The following UMAD1 variants were observed in gnomAD, a reference collection of about 807,000 sequenced individuals.
The protein encoded by UMAD1 is UBAP1-MVB12-associated (UMA) domain containing 1.
Under a neutral mutation model 6.1 loss-of-function variants are expected in UMAD1, and 8 were observed. The ratio of observed to expected loss-of-function variants is 1.30; its 90% CI spans 0.76 to 2.35. UMAD1 has a LOEUF of 2.35. UMAD1 is among the 30% of genes most tolerant of loss of function. UMAD1 has a pLI of 0.00. For missense variants in UMAD1, 130 were observed against 78.4 expected (o/e 1.66, Z -2.49); for synonymous variants, 56 against 31.4 (o/e 1.78, Z -2.61).
At chr7:7,723,737 G>T (rs1305872547) in intron 2 of UMAD1, among the ~76,000 whole-genome samples, 1 of 152,188 alleles carries the variant, frequency 6.6e-6, no homozygotes, top group Non-Finnish European at 1.5e-5. Flanking sequence ...TCCTGAGGTG[G>T]CAGGGGCCAA....
intron 2 of UMAD1, among the ~76,000 whole-genome samples, chr7:7,796,076 G>T (rs1377622539): frequency 6.6e-6 from 1 of 151,942 alleles, no homozygotes; most frequent in Non-Finnish European, 1.5e-5. Flanking sequence ...ACAACCAGTG[G>T]ACAGGAGAGT....
chr7:7,826,548 A>G (rs949001254), intron 3 of UMAD1, among the ~76,000 whole-genome samples: 3 of 152,150 alleles, frequency 2.0e-5, no homozygotes, highest in African/African-American at 7.2e-5. Context: ...GTGAATAGAA[A>G]AATGGTTCTT....
chr7:7,822,224 A>AATAG (rs1321866533), intron 3 of UMAD1, among the ~76,000 whole-genome samples: 2 of 152,132 alleles, frequency 1.3e-5, no homozygotes, highest in African/African-American at 4.8e-5. Flanking sequence ...GCGCACTGAG[A>AATAG]ATAGTACAGT....
At chr7:7,854,090 T>G (rs992164512) in intron 3 of UMAD1, among the ~76,000 whole-genome samples, 7 of 152,042 alleles carry the variant, frequency 4.6e-5, no homozygotes, top group African/African-American at 1.7e-4. Flanking sequence ...GTGCCATGGC[T>G]CACACCTGTA....
intron 3 of UMAD1, among the ~76,000 whole-genome samples, chr7:7,818,526 C>T (rs903956094): frequency 2.0e-5 from 3 of 152,048 alleles, no homozygotes; most frequent in Non-Finnish European, 4.4e-5. Context: ...CAGATGCTGG[C>T]AAGGTTAAGG....
chr7:7,708,903 G>A (rs1051263958), intron 2 of UMAD1, among the ~76,000 whole-genome samples: 3 of 151,818 alleles, frequency 2.0e-5, no homozygotes, highest in African/African-American at 4.8e-5. Context: ...AACCAGCAAG[G>A]GGTGTGTGTT....
intron 1 of UMAD1, among the ~76,000 whole-genome samples, chr7:7,659,621 G>A (rs545985204): frequency 6.6e-6 from 1 of 152,310 alleles, no homozygotes; most frequent in East Asian, 1.9e-4. Flanking sequence ...AGTTTTGAGT[G>A]AGTTTCTTAA....
At chr7:7,782,832 C>T (rs866010663) in intron 2 of UMAD1, among the ~76,000 whole-genome samples, 6 of 150,316 alleles carry the variant, frequency 4.0e-5, no homozygotes, top group East Asian at 3.9e-4. Context: ...TGAGTTCGAG[C>T]GATTCTCCTG....
chr7:7,673,652 C>T (rs563590108), intron 2 of UMAD1, among the ~76,000 whole-genome samples, 199 bp downstream of exon 2: 1 of 151,788 alleles, frequency 6.6e-6, no homozygotes, highest in Admixed American at 6.6e-5. Flanking sequence ...ACTTTTCTTC[C>T]GTGTTGATTT....
At chr7:7,849,569 A>G (rs1783874917) in intron 3 of UMAD1, among the ~76,000 whole-genome samples, 1 of 152,158 alleles carries the variant, frequency 6.6e-6, no homozygotes, top group South Asian at 2.1e-4. Context: ...CAACCCTGCG[A>G]TGGTCATTCA....
intron 3 of UMAD1, among the ~76,000 whole-genome samples, chr7:7,850,485 G>A (rs973528442): frequency 5.9e-5 from 9 of 151,956 alleles, no homozygotes; most frequent in East Asian, 5.8e-4. Flanking sequence ...TATCTTGAAT[G>A]TCTTTTATTG....
chr7:7,841,397 G>A (rs73057744), intron 3 of UMAD1, among the ~76,000 whole-genome samples: 20,014 of 150,632 alleles, frequency 0.13, 1,911 homozygotes, highest in Middle Eastern at 0.19. Flanking sequence ...TCAGATTTCA[G>A]GCTCAAGCGA....
intron 2 of UMAD1, among the ~76,000 whole-genome samples, chr7:7,729,392 G>A (rs1016869877): frequency 2.2e-4 from 33 of 152,174 alleles, no homozygotes; most frequent in African/African-American, 7.7e-4. Context: ...TTGAAATGAT[G>A]TTTCGTTTTC....
chr7:7,839,141 T>C (rs908707674), intron 3 of UMAD1, among the ~76,000 whole-genome samples: 3 of 152,220 alleles, frequency 2.0e-5, no homozygotes, highest in African/African-American at 4.8e-5. Flanking sequence ...TATCTCGTCA[T>C]TGTTTAATAA....
At chr7:7,866,415 C>A (rs1784226143) in intron 3 of UMAD1, among the ~76,000 whole-genome samples, 1 of 152,002 alleles carries the variant, frequency 6.6e-6, no homozygotes, top group South Asian at 2.1e-4. Flanking sequence ...GTTACTTGGC[C>A]CACGTTTGGG....
intron 3 of UMAD1, among the ~76,000 whole-genome samples, chr7:7,829,834 A>G (rs1783426053): frequency 6.6e-6 from 1 of 152,152 alleles, no homozygotes; most frequent in South Asian, 2.1e-4. Context: ...TTAAGAGGCA[A>G]GGCACCCTCA....
intron 2 of UMAD1, among the ~76,000 whole-genome samples, chr7:7,734,609 A>G (rs916214710): frequency 8.5e-5 from 13 of 152,192 alleles, no homozygotes; most frequent in Non-Finnish European, 2.9e-5. Context: ...AAGTTTCATC[A>G]TAAATACTCA....
chr7:7,651,914 C>A (rs1375885545), intron 1 of UMAD1, among the ~76,000 whole-genome samples: 2 of 152,124 alleles, frequency 1.3e-5, no homozygotes, highest in African/African-American at 4.8e-5. Context: ...ACAGAGTCCT[C>A]CTTGGGCAGT....
intron 3 of UMAD1, among the ~76,000 whole-genome samples, chr7:7,803,721 T>C (rs1282945165): frequency 1.3e-5 from 2 of 151,746 alleles, no homozygotes; most frequent in Non-Finnish European, 2.9e-5. Flanking sequence ...TGGTTTGCAC[T>C]CTGGCTGTGT....
Sources: gnomAD v4.1 joint callset for allele counts (sites outside exome capture counted in the v4.1 genomes callset) on GRCh38, gnomAD v4.1.1 for gene constraint, MANE v1.5 for transcripts, NCBI Gene and HGNC (gene_info 2026-07-23, HGNC 2026-07-21) for gene names.